The following C10orf90 variants were observed in gnomAD, a reference collection of about 807,000 sequenced individuals.
The protein encoded by C10orf90 is chromosome 10 open reading frame 90, also known as (E2-independent) E3 ubiquitin-conjugating enzyme FATS.
Under a neutral mutation model 62.5 loss-of-function variants are expected in C10orf90, and 56 were observed. That is an observed-to-expected ratio of 0.90 (90% CI 0.72 to 1.12). C10orf90 has a LOEUF of 1.12. Ranked by LOEUF, C10orf90 falls within the 50% of genes most tolerant of loss-of-function variation. The pLI is 0.00. For synonymous variants in C10orf90, 386 were observed against 340.4 expected (o/e 1.13, Z -1.47); for missense variants, 970 against 880.4 (o/e 1.10, Z -1.29).
rs148549785 is a variant in C10orf90 at position 126,614,401 on chromosome 10, C to G, written c.313+32164G>C. Among the ~76,000 whole-genome samples the G allele has an allele frequency of 2.2e-3, 335 of 152,220 alleles. 2 individuals are homozygous for G. Among genetic ancestry groups the G allele is most frequent in the African/African-American group, 7.9e-3 (328 of 41,524 alleles). On this transcript the variant is annotated intron_variant, in intron 2 of 9. Transcript: ENST00000488181. ...AATACTCTACAGACTATTCCAAGGT[C>G]AAGAACAGCCTTCAGTGGATTCAGG...
chr10:126,601,396 T>C (rs12249394), intron 2 of C10orf90, among the ~76,000 whole-genome samples: 2 of 152,228 alleles, frequency 1.3e-5, no homozygotes, highest in Non-Finnish European at 2.9e-5. Flanking sequence ...TACTTAACTA[T>C]AGAAGCCATT....
At chr10:126,578,235 T>C (rs1844665660) in intron 2 of C10orf90, among the ~76,000 whole-genome samples, 1 of 152,194 alleles carries the variant, frequency 6.6e-6, no homozygotes, top group Non-Finnish European at 1.5e-5. Context: ...ATAGTACATA[T>C]ATCTAACAAA....
rs530750798 is a variant in C10orf90, at chr10:126,533,459, T to C, written c.314-19520A>G. ...TTTAAACTCAAGGAAATCTGTCTTA[T>C]CATGTAAAAACCAGCTCAAATTGTT... On this transcript the variant is annotated intron_variant, in intron 2 of 9. Coordinates refer to ENST00000488181, the MANE Select transcript of C10orf90 (RefSeq NM_001350921.2). Among the ~76,000 whole-genome samples the C allele has an allele frequency of 2.6e-5, 4 of 152,320 alleles. No individual in the cohort carries two copies. The South Asian group carries it at 8.3e-4, about 32-fold the overall frequency.
chr10:126,598,930 T>A (rs188648799), intron 2 of C10orf90, among the ~76,000 whole-genome samples: 2 of 152,052 alleles, frequency 1.3e-5, no homozygotes, highest in Non-Finnish European at 2.9e-5. Flanking sequence ...TTCTTGATGA[T>A]CTATAATTCA....
chr10:126,576,378 C>T (rs1458467682), intron 2 of C10orf90, among the ~76,000 whole-genome samples: 2 of 150,162 alleles, frequency 1.3e-5, no homozygotes, highest in African/African-American at 2.5e-5. Flanking sequence ...TATCATCTCA[C>T]TCTAGTTAAA....
At chr10:126,439,365 A>G (rs1357855879) in intron 7 of C10orf90, among the ~76,000 whole-genome samples, 1 of 152,212 alleles carries the variant, frequency 6.6e-6, no homozygotes, top group Non-Finnish European at 1.5e-5. Flanking sequence ...TGACTGCTCC[A>G]TCAAATGTGC....
intron 4 of C10orf90, among the ~76,000 whole-genome samples, chr10:126,502,194 T>C (rs1381500805): frequency 6.6e-6 from 1 of 152,008 alleles, no homozygotes; most frequent in Non-Finnish European, 1.5e-5. Context: ...AATCTCAGAA[T>C]TCACCACTGT....
chr10:126,524,683 G>C (rs1051883488), intron 2 of C10orf90: 25 of 986,156 alleles, frequency 2.5e-5, no homozygotes, highest in Non-Finnish European at 2.9e-5. Flanking sequence ...AGCCATGTCA[G>C]CTCCTCCTCT....
rs1491364727 is a variant in C10orf90, at chr10:126,564,850, T to TCTCTC, written c.314-50912_314-50911insGAGAG. ...TCTCTCTCTATATATATATTATATA[T>TCTCTC]TATATAAAATATATATTATATATAA... is the stretch of plus-strand genomic sequence containing the variant. On this transcript the variant is annotated intron_variant, in intron 2 of 9. Coordinates refer to ENST00000488181, the MANE Select transcript of C10orf90 (RefSeq NM_001350921.2). 2.0e-3 allele frequency among the ~76,000 whole-genome samples: 51 copies of TCTCTC among 25,248 alleles called. 11 individuals are homozygous for TCTCTC. Among genetic ancestry groups the TCTCTC allele is most frequent in the African/African-American group, 0.01 (49 of 4,850 alleles). 16.6% of individuals were successfully genotyped at this position (25,248 alleles called of 152,430 possible).
intron 7 of C10orf90, among the ~76,000 whole-genome samples, chr10:126,443,919 A>G (rs994089173): frequency 4.6e-5 from 7 of 152,162 alleles, no homozygotes; most frequent in African/African-American, 1.7e-4. Flanking sequence ...TTAAAAACAA[A>G]TGTCATACGA....
chr10:126,538,164 T>C (rs1353478837), intron 2 of C10orf90, among the ~76,000 whole-genome samples: 1 of 152,208 alleles, frequency 6.6e-6, no homozygotes, highest in African/African-American at 2.4e-5. Context: ...CACATCCACA[T>C]GGCGGCAGGC....
chr10:126,533,972 G>T (rs553229662), intron 2 of C10orf90, among the ~76,000 whole-genome samples: 2 of 152,112 alleles, frequency 1.3e-5, no homozygotes, highest in African/African-American at 4.8e-5. Flanking sequence ...CAGGAACCCC[G>T]TGCAAGCTGG....
intron 2 of C10orf90, among the ~76,000 whole-genome samples, chr10:126,611,347 C>T (rs1164371459): frequency 1.3e-5 from 2 of 152,100 alleles, no homozygotes; most frequent in South Asian, 2.1e-4. Flanking sequence ...TTTTTATTGC[C>T]GGATAATATT....
chr10:126,616,751 T>C (rs1324895515), intron 2 of C10orf90, among the ~76,000 whole-genome samples: 1 of 152,206 alleles, frequency 6.6e-6, no homozygotes. Context: ...CTTGTGGCAA[T>C]TCATGCCACT....
chr10:126,629,513 G>C (rs1235897380), intron 2 of C10orf90, among the ~76,000 whole-genome samples: 2 of 152,200 alleles, frequency 1.3e-5, no homozygotes, highest in Non-Finnish European at 2.9e-5. Context: ...AAAAGCAAGA[G>C]CAGGAGACAG....
intron 2 of C10orf90, among the ~76,000 whole-genome samples, chr10:126,555,717 T>TAAATAAATAAAA (rs1265155678): frequency 8.1e-5 from 12 of 148,630 alleles, no homozygotes; most frequent in East Asian, 5.9e-4. Flanking sequence ...AATAAATAAA[T>TAAATAAATAAAA]AAAAATTAAA....
At chr10:126,476,213 C>T (rs1860857265) in intron 4 of C10orf90, among the ~76,000 whole-genome samples, 1 of 152,204 alleles carries the variant, frequency 6.6e-6, no homozygotes, top group Non-Finnish European at 1.5e-5. Context: ...CTCCTGGGGC[C>T]GCTGGAAGCG....
chr10:126,630,026 A>G (rs1044400260), intron 2 of C10orf90, among the ~76,000 whole-genome samples: 3 of 152,226 alleles, frequency 2.0e-5, no homozygotes, highest in African/African-American at 2.4e-5. Context: ...GACATTGCTC[A>G]TATTTCTTTC....
At chr10:126,464,194 G>C (rs950162405) in intron 5 of C10orf90, among the ~76,000 whole-genome samples, 2 of 152,120 alleles carry the variant, frequency 1.3e-5, no homozygotes, top group African/African-American at 4.8e-5. Context: ...TCTAATTCTT[G>C]GTTTCTTCCT....
Sources: allele counts gnomAD v4.1 joint callset (sites outside exome capture counted in the v4.1 genomes callset), GRCh38; gene constraint gnomAD v4.1.1; transcripts MANE v1.5; gene names NCBI Gene and HGNC (gene_info 2026-07-23, HGNC 2026-07-21).